The following RERE variants were observed in gnomAD, a reference collection of about 807,000 sequenced individuals.
RERE encodes the protein arginine-glutamic acid dipeptide repeats protein.
A neutral mutation model predicts 146.1 loss-of-function variants in RERE; 40 were observed. The ratio of observed to expected loss-of-function variants is 0.27; its 90% CI spans 0.21 to 0.36. The LOEUF is 0.36. Ranked by LOEUF, RERE falls within the 10% of genes least tolerant of loss-of-function variation. The pLI, the probability that RERE is intolerant of heterozygous loss-of-function variation, is 1.00. For synonymous variants in RERE, 1,003 were observed against 866.0 expected, an observed-to-expected ratio of 1.16 and a Z score of -2.78; for missense variants, 1,933 against 2,138.7, an observed-to-expected ratio of 0.90 and a Z score of 1.90.
intron 12 of RERE, among the ~76,000 whole-genome samples, chr1:8,422,234 G>A (rs1482262809): frequency 3.3e-5 from 5 of 151,882 alleles, no homozygotes; most frequent in Non-Finnish European, 7.4e-5. Flanking sequence ...AAACTCTCAG[G>A]GATAGAATAT....
At chr1:8,546,030 C>T (rs536469642) in intron 6 of RERE, among the ~76,000 whole-genome samples, 5 of 121,802 alleles carry the variant, frequency 4.1e-5, no homozygotes, top group Non-Finnish European at 6.4e-5. Flanking sequence ...CCCTCTGTCA[C>T]TTGGGCTGAA....
At chr1:8,772,650 A>G (rs1280495628) in intron 1 of RERE, among the ~76,000 whole-genome samples, 3 of 152,038 alleles carry the variant, frequency 2.0e-5, no homozygotes, top group Non-Finnish European at 2.9e-5. Context: ...GGTGGCGGGC[A>G]CCTGTAGTCC....
At chr1:8,702,505 C>T (rs1322159582) in intron 1 of RERE, among the ~76,000 whole-genome samples, 3 of 152,208 alleles carry the variant, frequency 2.0e-5, no homozygotes, top group Admixed American at 2.0e-4. Flanking sequence ...AAACAATCGT[C>T]AAGAGTACCT....
chr1:8,531,485 C>T (rs1286911996), intron 7 of RERE, among the ~76,000 whole-genome samples: 1 of 151,720 alleles, frequency 6.6e-6, no homozygotes, highest in Non-Finnish European at 1.5e-5. Flanking sequence ...CCAACACCAA[C>T]AATAAAACTA....
At chr1:8,507,130 G>A (rs1395119016) in intron 8 of RERE, among the ~76,000 whole-genome samples, 3 of 152,208 alleles carry the variant, frequency 2.0e-5, no homozygotes, top group African/African-American at 4.8e-5. Flanking sequence ...AGAATATGCC[G>A]GGCCCAGTGG....
At chr1:8,720,560 C>CA (rs1639844489) in intron 1 of RERE, among the ~76,000 whole-genome samples, 1 of 151,792 alleles carries the variant, frequency 6.6e-6, no homozygotes, top group Non-Finnish European at 1.5e-5. Flanking sequence ...CAAGAACGAG[C>CA]AAGAGAGAGC....
At chr1:8,392,411 T>C (rs1642914134) in intron 12 of RERE, among the ~76,000 whole-genome samples, 1 of 152,254 alleles carries the variant, frequency 6.6e-6, no homozygotes, top group Non-Finnish European at 1.5e-5. Context: ...TATCTCTATC[T>C]ATATATCTCT....
chr1:8,422,648 A>G lies in RERE; in HGVS notation c.1284+79T>C, dbSNP rs977364096. ...GCACAGCGCAGGGTTAAAGGAAACCATTTCATAAGATCAAATGTGGAGAGG... is the reference window on the plus strand; with the variant it reads ...GCACAGCGCAGGGTTAAAGGAAACCGTTTCATAAGATCAAATGTGGAGAGG... On this transcript the variant is annotated intron_variant, in intron 12 of 22. Transcript: ENST00000400908. 1.0e-5 allele frequency: 11 copies of G among 1,101,532 alleles called. 1 individual carries two copies. The highest frequency in any genetic ancestry group is 7.5e-5 in the South Asian group (6 of 80,058). 68.2% of individuals were successfully genotyped at this position (1,101,532 alleles called of 1,614,324 possible). A position where few individuals can be genotyped will look rare whatever the true frequency, so the allele number is the denominator to read the frequency against.
intron 13 of RERE, 69 bp downstream of exon 13, chr1:8,365,741 GCC>G: frequency 6.4e-7 from 1 of 1,558,030 alleles, no homozygotes; most frequent in Non-Finnish European, 8.8e-7. Flanking sequence ...GCTCCTACGG[GCC>G]CAGAGTGGGA....
chr1:8,715,606 A>G (rs1639749532), intron 1 of RERE, among the ~76,000 whole-genome samples: 1 of 151,844 alleles, frequency 6.6e-6, no homozygotes, highest in South Asian at 2.1e-4. Flanking sequence ...AAAGTAGAAG[A>G]TATATAAAAG....
At chr1:8,727,728 G>A (rs1307763224) in intron 1 of RERE, among the ~76,000 whole-genome samples, 1 of 152,046 alleles carries the variant, frequency 6.6e-6, no homozygotes, top group African/African-American at 2.4e-5. Flanking sequence ...TCTTAACCTC[G>A]TGATCCGCCA....
chr1:8,652,228 T>C (rs1647665967), intron 2 of RERE, among the ~76,000 whole-genome samples: 1 of 152,154 alleles, frequency 6.6e-6, no homozygotes, highest in African/African-American at 2.4e-5. Context: ...CATGGAGCTG[T>C]CTTGCTCTGG....
intron 12 of RERE, among the ~76,000 whole-genome samples, chr1:8,383,681 A>G (rs1642534252): frequency 6.6e-6 from 1 of 152,100 alleles, no homozygotes; most frequent in Non-Finnish European, 1.5e-5. Flanking sequence ...CAACACGGTG[A>G]AACTTTATCT....
At position 8,355,485 on chromosome 1, in the gene RERE, T is replaced by C; in HGVS notation, c.4601A>G (p.Gln1534Arg). Residue 1534 changes from glutamine to arginine, a missense_variant, in exon 22 of 23, where the codon CAG becomes CGG. By Grantham distance (43) the Gln-to-Arg change is conservative. Transcript: ENST00000400908. Reference protein sequence around the residue: ...SAELQRLAMEQQWLHGHPHMH... With the variant: ...SAELQRLAMERQWLHGHPHMH... ...GTGGGGGTGTCCATGCAGCCACTGC[T>C]GCTCCATGGCCAGTCTCTGCAGCTC... is the stretch of plus-strand genomic sequence containing the variant. The C allele has an allele frequency of 1.9e-6, 3 of 1,612,792 alleles. No individual in the cohort carries two copies. Among genetic ancestry groups the C allele is most frequent in the Non-Finnish European group, 2.5e-6 (3 of 1,179,948 alleles).
At chr1:8,806,456 A>G (rs1641695449) in intron 1 of RERE, among the ~76,000 whole-genome samples, 1 of 152,048 alleles carries the variant, frequency 6.6e-6, no homozygotes, top group Admixed American at 6.6e-5. Flanking sequence ...GCTTCAGCCC[A>G]GGAGGCGGAG....
At chr1:8,802,694 C>T (rs1024997760) in intron 1 of RERE, among the ~76,000 whole-genome samples, 2 of 152,104 alleles carry the variant, frequency 1.3e-5, no homozygotes, top group African/African-American at 4.8e-5. Flanking sequence ...TCATCTTTCC[C>T]ATTAATGAGA....
chr1:8,666,199 G>A (rs566530504), intron 1 of RERE, among the ~76,000 whole-genome samples: 1 of 152,196 alleles, frequency 6.6e-6, no homozygotes, highest in Non-Finnish European at 1.5e-5. Context: ...TCTGGCAGTA[G>A]GAGATGTTTT....
chr1:8,430,488 T>C (rs1482395182), intron 11 of RERE, among the ~76,000 whole-genome samples: 3 of 152,246 alleles, frequency 2.0e-5, no homozygotes, highest in Non-Finnish European at 4.4e-5. Flanking sequence ...CCCATTTTTA[T>C]TGATGGTTCT....
intron 1 of RERE, among the ~76,000 whole-genome samples, chr1:8,734,354 A>G (rs963486748): frequency 2.6e-5 from 4 of 152,172 alleles, no homozygotes; most frequent in African/African-American, 9.7e-5. Context: ...TGGAAACGAG[A>G]TTTTCATCAT....
Sources: gnomAD v4.1 joint callset for allele counts (sites outside exome capture counted in the v4.1 genomes callset) on GRCh38, gnomAD v4.1.1 for gene constraint, MANE v1.5 for transcripts, NCBI Gene and HGNC (gene_info 2026-07-23, HGNC 2026-07-21) for gene names.